Variants in LRRK2 observed in about 807,000 individuals in gnomAD.
LRRK2 encodes leucine-rich repeat serine/threonine-protein kinase 2.
In LRRK2, 203 loss-of-function variants were observed where a neutral mutation model predicts 302.6. That is an observed-to-expected ratio of 0.67 (90% CI 0.60 to 0.75). The LOEUF is 0.75. Ranked by LOEUF, LRRK2 falls within the 30% of genes least tolerant of loss-of-function variation. The pLI is 0.00. For missense variants in LRRK2, 2,830 were observed against 2,951.0 expected, an observed-to-expected ratio of 0.96 and a Z score of 0.95; for synonymous variants, 1,066 against 1,031.9, an observed-to-expected ratio of 1.03 and a Z score of -0.63.
chr12:40,353,111 T>G (rs10878412), intron 44 of LRRK2, among the ~76,000 whole-genome samples: 1 of 148,836 alleles, frequency 6.7e-6, no homozygotes, highest in East Asian at 2.1e-4. Context: ...CCGGATGGGG[T>G]GGCTGCCCAG....
chr12:40,307,389 T>G (rs1944861674), intron 28 of LRRK2, among the ~76,000 whole-genome samples: 1 of 152,104 alleles, frequency 6.6e-6, no homozygotes, highest in Admixed American at 6.6e-5. Context: ...CTCTATCCAT[T>G]ATATTTTTGA....
At chr12:40,250,965 A>G (rs1017145072) in intron 8 of LRRK2, among the ~76,000 whole-genome samples, 1 of 148,454 alleles carries the variant, frequency 6.7e-6, no homozygotes, top group Admixed American at 6.7e-5. Flanking sequence ...GCTGTGATGA[A>G]CTAATCTTTT....
chr12:40,347,896 G>A (rs1202954989), intron 42 of LRRK2, among the ~76,000 whole-genome samples: 1 of 152,016 alleles, frequency 6.6e-6, no homozygotes, highest in Admixed American at 6.5e-5. Context: ...CTGGGAGGTT[G>A]CAGTGAGCCG....
chr12:40,341,704 T>A (rs529630068), intron 41 of LRRK2, among the ~76,000 whole-genome samples: 3 of 152,162 alleles, frequency 2.0e-5, no homozygotes, highest in Non-Finnish European at 1.5e-5. Context: ...TCAGGGAGAT[T>A]ATGTAACTTG....
intron 25 of LRRK2, 35 bp downstream of exon 25, chr12:40,299,292 C>T (rs1446310068): frequency 6.2e-7 from 1 of 1,609,872 alleles, no homozygotes; most frequent in Non-Finnish European, 8.5e-7. Flanking sequence ...CCTTACCAGG[C>T]CCTCTAAGTT....
chr12:40,343,222 TC>T (rs1217240980), intron 41 of LRRK2, among the ~76,000 whole-genome samples: 2 of 151,268 alleles, frequency 1.3e-5, no homozygotes, highest in Non-Finnish European at 2.9e-5. Context: ...TTGGATATTT[TC>T]ACCTTTAAAT....
intron 45 of LRRK2, among the ~76,000 whole-genome samples, chr12:40,355,189 A>C (rs1393332032): frequency 6.6e-6 from 1 of 151,392 alleles, no homozygotes; most frequent in East Asian, 1.9e-4. Context: ...TATCAACTCC[A>C]CTGGCAGTTT....
At chr12:40,288,994 T>C (rs1018512406) in intron 20 of LRRK2, among the ~76,000 whole-genome samples, 3 of 151,846 alleles carry the variant, frequency 2.0e-5, no homozygotes, top group Admixed American at 2.0e-4. Context: ...TAGCCTAAAT[T>C]TGTGAATATT....
At chr12:40,311,082 T>C (rs1265153482) in intron 31 of LRRK2, among the ~76,000 whole-genome samples, 1 of 152,154 alleles carries the variant, frequency 6.6e-6, no homozygotes, top group South Asian at 2.1e-4. Flanking sequence ...TCCTGTTTTA[T>C]GGACATCTTG....
intron 33 of LRRK2, among the ~76,000 whole-genome samples, chr12:40,318,421 A>G (rs1945292862): frequency 6.6e-6 from 1 of 152,150 alleles, no homozygotes; most frequent in African/African-American, 2.4e-5. Flanking sequence ...AATGGCTAAC[A>G]TACATGAGGT....
At chr12:40,367,461 A>G in intron 50 of LRRK2, 183 bp from the exon 51 acceptor site, 1 of 469,628 alleles carries the variant, frequency 2.1e-6, no homozygotes, top group Non-Finnish European at 3.6e-6. Flanking sequence ...TAGTTTCTAT[A>G]ATGTATTATA....
Position 40,251,482 on chromosome 12 carries a change from A to C in LRRK2, c.1119A>C (p.Ala373=). 6.2e-7 allele frequency: 1 copy of C among 1,612,226 alleles called. No individual in the cohort carries two copies. Among genetic ancestry groups the C allele is most frequent in the Non-Finnish European group, 8.5e-7 (1 of 1,178,944 alleles). ...TAATCCAGGAGGCCGCATGCTGGGC[A>C]CTAAATAATCTCCTTATGTACCAAA... ...NKHVQEAACW[A]LNNLLMYQNS... Residue 373 remains alanine (A), a synonymous_variant, in exon 10 of 51, where the codon GCA becomes GCC. Transcript: ENST00000298910.
intron 39 of LRRK2, among the ~76,000 whole-genome samples, chr12:40,332,891 G>A (rs1945753426): frequency 6.6e-6 from 1 of 150,662 alleles, no homozygotes; most frequent in Non-Finnish European, 1.5e-5. Context: ...TGTATAAGCA[G>A]GGAGGCAAAC....
intron 46 of LRRK2, 65 bp downstream of exon 46, chr12:40,356,252 A>C: frequency 8.8e-7 from 1 of 1,134,320 alleles, no homozygotes; most frequent in South Asian, 1.4e-5. Context: ...TATATCTCAC[A>C]CCCCTCTTAT....
chr12:40,299,007 C>G, intron 24 of LRRK2, 102 bp from the exon 25 acceptor site: 1 of 1,116,128 alleles, frequency 9.0e-7, no homozygotes, highest in Non-Finnish European at 1.3e-6. Flanking sequence ...ATTAATGAGT[C>G]CTCTTTGATG....
intron 21 of LRRK2, 96 bp from the exon 22 acceptor site, chr12:40,294,749 C>T: frequency 4.3e-6 from 3 of 696,810 alleles, no homozygotes; most frequent in South Asian, 1.7e-5. Context: ...TTATAAATAC[C>T]ATTAACCCTA....
At position 40,368,835 on chromosome 12, in the gene LRRK2, C is replaced by T. The variant is rs1252622883; in HGVS notation, c.*1070C>T. 1 of 151,772 alleles carries T rather than the reference C, an allele frequency of 6.6e-6. No individual in the cohort carries two copies. Among genetic ancestry groups the T allele is most frequent in the Non-Finnish European group, 1.5e-5 (1 of 67,762 alleles). 9.4% of individuals were successfully genotyped at this position (151,772 alleles called of 1,614,324 possible). Reference sequence around the variant, plus strand: ...TGCCACCCTAGGCTTCCAAATTATACTTAAATTGTTTACATAGCTTACCAC... The same window carrying T: ...TGCCACCCTAGGCTTCCAAATTATATTTAAATTGTTTACATAGCTTACCAC... On this transcript the variant is annotated 3_prime_UTR_variant, in exon 51 of 51. Coordinates refer to ENST00000298910, the MANE Select transcript of LRRK2 (RefSeq NM_198578.4).
intron 25 of LRRK2, among the ~76,000 whole-genome samples, chr12:40,300,324 G>T (rs757300839): frequency 1.3e-5 from 2 of 151,972 alleles, no homozygotes; most frequent in African/African-American, 2.4e-5. Context: ...ATGTTCATTT[G>T]TATCCTAAAT....
chr12:40,302,408 A>G (rs1944665620), intron 25 of LRRK2, among the ~76,000 whole-genome samples: 1 of 152,102 alleles, frequency 6.6e-6, no homozygotes, highest in African/African-American at 2.4e-5. Context: ...GTATTTTAGT[A>G]AAGTGTTCAT....
Sources: gnomAD v4.1 joint callset for allele counts (sites outside exome capture counted in the v4.1 genomes callset) on GRCh38, gnomAD v4.1.1 for gene constraint, MANE v1.5 for transcripts, NCBI Gene and HGNC (gene_info 2026-07-23, HGNC 2026-07-21) for gene names.